NBAS: variants seen among roughly 807,000 people sequenced by gnomAD.
The protein encoded by NBAS is NBAS subunit of NRZ tethering complex.
Under a neutral mutation model 302.5 loss-of-function variants are expected in NBAS, and 219 were observed. The observed-to-expected ratio is 0.72, with a 90% CI of 0.65 to 0.81. The LOEUF is 0.81. Ranked by LOEUF, NBAS falls within the 30% of genes least tolerant of loss-of-function variation. The probability of loss-of-function intolerance (pLI) is 0.00; values close to 1 mark genes in which losing one functional copy is unlikely to be tolerated. For synonymous variants in NBAS, 1,118 were observed against 1,021.6 expected, an observed-to-expected ratio of 1.09 and a Z score of -1.80; for missense variants, 2,932 against 2,841.6, an observed-to-expected ratio of 1.03 and a Z score of -0.72.
At chr2:15,376,101 T>A (rs897740433) in intron 30 of NBAS, among the ~76,000 whole-genome samples, 1 of 152,194 alleles carries the variant, frequency 6.6e-6, no homozygotes, top group African/African-American at 2.4e-5. Flanking sequence ...AATACATATA[T>A]CCTTTTTGTA....
chr2:14,849,550 C>G, the NBAS span, among the ~76,000 whole-genome samples: 3 of 151,134 alleles, frequency 2.0e-5, no homozygotes, highest in Non-Finnish European at 4.4e-5. Context: ...GCAAGGCAGG[C>G]CAACGTTCAG....
chr2:15,486,246 A>T (rs921610395), intron 12 of NBAS, among the ~76,000 whole-genome samples: 3 of 152,200 alleles, frequency 2.0e-5, no homozygotes, highest in African/African-American at 7.2e-5. Flanking sequence ...CAGTTTTGTG[A>T]GCCCCAAAAT....
the NBAS span, among the ~76,000 whole-genome samples, chr2:14,997,745 A>G: frequency 6.6e-6 from 1 of 152,176 alleles, no homozygotes; most frequent in Admixed American, 6.5e-5. Flanking sequence ...ACTGGAGTCT[A>G]TATTCCTTGA....
At chr2:14,810,162 G>A in the NBAS span, among the ~76,000 whole-genome samples, 1 of 152,192 alleles carries the variant, frequency 6.6e-6, no homozygotes, top group African/African-American at 2.4e-5. Flanking sequence ...AGTTAATGCT[G>A]TAATGAGTTA....
intron 9 of NBAS, 138 bp downstream of exon 9, chr2:15,534,405 T>A: frequency 1.4e-6 from 1 of 729,532 alleles, no homozygotes. Context: ...ATGACAACAG[T>A]ATTATAGATA....
intron 10 of NBAS, among the ~76,000 whole-genome samples, chr2:15,505,857 C>A (rs1248689247): frequency 2.6e-5 from 4 of 151,808 alleles, no homozygotes; most frequent in Non-Finnish European, 5.9e-5. Context: ...TGAAAAATCA[C>A]CTTAAATCAA....
chr2:15,153,960 G>A, the NBAS span, among the ~76,000 whole-genome samples: 1 of 152,192 alleles, frequency 6.6e-6, no homozygotes. Context: ...GGGCTCTTGA[G>A]GCTAGTAGCA....
intron 12 of NBAS, among the ~76,000 whole-genome samples, chr2:15,479,585 C>T (rs926384541): frequency 1.3e-5 from 2 of 152,116 alleles, no homozygotes; most frequent in Non-Finnish European, 2.9e-5. Flanking sequence ...TAAGGACATA[C>T]AGATCAAAAT....
At chr2:14,871,560 G>A in the NBAS span, among the ~76,000 whole-genome samples, 3 of 152,054 alleles carry the variant, frequency 2.0e-5, no homozygotes, top group South Asian at 2.1e-4. Flanking sequence ...AAAAATTCAT[G>A]TAAAAGATAA....
chr2:14,857,976 G>A, the NBAS span, among the ~76,000 whole-genome samples: 4 of 152,032 alleles, frequency 2.6e-5, no homozygotes, highest in Admixed American at 1.3e-4. Flanking sequence ...AACTCTATAG[G>A]AAAAATAATC....
At chr2:15,202,813 C>T (rs1410757254) in intron 48 of NBAS, among the ~76,000 whole-genome samples, 1 of 152,170 alleles carries the variant, frequency 6.6e-6, no homozygotes, top group Non-Finnish European at 1.5e-5. Context: ...GCTGGGATTA[C>T]AGGCCTGAGC....
chr2:15,415,675 A>G lies in NBAS; in HGVS notation c.2808T>C (p.Val936=). Residue 936 remains valine (V), a synonymous_variant, in exon 25 of 52, where the codon GTT becomes GTC. Transcript: ENST00000281513. ...GTTTCTCACAACGATGAAGAAAGGG[A>G]ACCATCCACTGGTAGGCACTTGTCA... ...KYVTSAYQWM[V]PFLHRCEKQS... 1 of 1,614,214 alleles carries G rather than the reference A, an allele frequency of 6.2e-7. No individual in the cohort carries two copies. The highest frequency in any genetic ancestry group is 8.5e-7 in the Non-Finnish European group (1 of 1,180,040).
intron 36 of NBAS, among the ~76,000 whole-genome samples, chr2:15,328,978 G>C (rs1672199765): frequency 6.6e-6 from 1 of 152,128 alleles, no homozygotes; most frequent in Non-Finnish European, 1.5e-5. Flanking sequence ...GATGATATAT[G>C]ACTGTGTCCC....
chr2:15,550,572 T>C (rs1397717584), intron 6 of NBAS, among the ~76,000 whole-genome samples: 1 of 148,836 alleles, frequency 6.7e-6, no homozygotes, highest in African/African-American at 2.5e-5. Flanking sequence ...TCCTGTAAGG[T>C]TCCTTCTTTC....
intron 31 of NBAS, among the ~76,000 whole-genome samples, chr2:15,370,422 A>G (rs1444647304): frequency 6.6e-6 from 1 of 152,184 alleles, no homozygotes; most frequent in African/African-American, 2.4e-5. Context: ...CACTCCAAGT[A>G]GCTGGGACTA....
chr2:15,365,436 T>C lies in NBAS; in HGVS notation c.3817+1144A>G, dbSNP rs571615128. 3.9e-5 allele frequency among the ~76,000 whole-genome samples: 6 copies of C among 152,276 alleles called. 1 individual carries two copies. In the South Asian group the frequency reaches 1.0e-3, roughly 26 times the overall value. On this transcript the variant is annotated intron_variant, in intron 32 of 51. Coordinates refer to ENST00000281513, the MANE Select transcript of NBAS (RefSeq NM_015909.4). ...TTAACTCATTTGGGCCTCTCCTAACTTCACAGGTGAAGAAAGGGGGTATCA... is the reference window on the plus strand; with the variant it reads ...TTAACTCATTTGGGCCTCTCCTAACCTCACAGGTGAAGAAAGGGGGTATCA...
At chr2:15,188,075 C>G (rs1171291768) in intron 49 of NBAS, among the ~76,000 whole-genome samples, 1 of 152,208 alleles carries the variant, frequency 6.6e-6, no homozygotes, top group African/African-American at 2.4e-5. Flanking sequence ...AGGAGAAATG[C>G]TGCTTGGCCA....
chr2:15,309,079 G>T, intron 39 of NBAS, 92 bp downstream of exon 39: 1 of 776,964 alleles, frequency 1.3e-6, no homozygotes, highest in Non-Finnish European at 2.1e-6. Context: ...AGGAGGAAAT[G>T]GCATGCAATA....
At chr2:15,226,884 A>G (rs537781452) in intron 47 of NBAS, among the ~76,000 whole-genome samples, 1 of 152,274 alleles carries the variant, frequency 6.6e-6, no homozygotes, top group South Asian at 2.1e-4. Flanking sequence ...CTCCTTTCCC[A>G]TTTAGATGCC....
Sources: gnomAD v4.1 joint callset for allele counts (sites outside exome capture counted in the v4.1 genomes callset) on GRCh38, gnomAD v4.1.1 for gene constraint, MANE v1.5 for transcripts, NCBI Gene and HGNC (gene_info 2026-07-23, HGNC 2026-07-21) for gene names.